The following PIEZO1 variants were observed in gnomAD, a reference collection of about 807,000 sequenced individuals.
The protein encoded by PIEZO1 is piezo-type mechanosensitive ion channel component 1.
A neutral mutation model predicts 297.2 loss-of-function variants in PIEZO1; 296 were observed. The ratio of observed to expected loss-of-function variants is 1.00; its 90% CI spans 0.91 to 1.10. The LOEUF is 1.10. Among genes scored for constraint, PIEZO1 ranks in the 50% least tolerant of loss-of-function variants. The pLI is 0.00. For missense variants in PIEZO1, 5,018 were observed against 3,455.5 expected (o/e 1.45, Z -11.34); for synonymous variants, 2,427 against 1,507.5 (o/e 1.61, Z -14.13).
Position 88,733,965 on chromosome 16 carries a change from TC to T in PIEZO1, c.2269del (p.Asp757ThrfsTer71). The T allele has an allele frequency of 2.2e-6, 3 of 1,367,084 alleles. No homozygotes were observed. The highest frequency in any genetic ancestry group is 2.9e-6 in the Non-Finnish European group (3 of 1,052,170). The allele number at this position is 1,367,084 out of a possible 1,614,324, so 84.7% of individuals were successfully genotyped here. A position where few individuals can be genotyped will look rare whatever the true frequency, so the allele number is the denominator to read the frequency against. ...CACGCCCAGCCCCTCGTCCCTGGAG[TC>T]CTCCTCCTCCTCCTCCTCCTCCTGC... ...QQQEEEEEEE[D>X]SRDEGLGVAT... On this transcript the variant is annotated frameshift_variant, in exon 17 of 51. Transcript: ENST00000301015. LOFTEE classifies it high-confidence loss of function.
At chr16:88,740,544 GT>G (rs1434847090) in intron 5 of PIEZO1, 1 of 152,370 alleles carries the variant, frequency 6.6e-6, no homozygotes, top group African/African-American at 2.4e-5. Flanking sequence ...TGACCTCCAG[GT>G]CCCCGTTCCC....
chr16:88,725,345 C>T (rs766325811), intron 29 of PIEZO1, 71 bp downstream of exon 29: 149 of 963,744 alleles, frequency 1.5e-4, no homozygotes, highest in East Asian at 3.5e-4. Context: ...TGGGCACAGA[C>T]GCAGCACACG....
rs1162297459 is a variant in PIEZO1, at chr16:88,732,614, T to C, written c.2783A>G (p.Tyr928Cys). Residue 928 changes from tyrosine (Y) to cysteine (C), a missense_variant, in exon 20 of 51, where the codon TAC becomes TGC. Transcript: ENST00000301015. ...ACCAGCCCTTCAACTCACCTGGATG[T>C]AGCCCAGGTTGGGGAACCCTTTCCG... ...GVRKGFPNLGYIQNHLQVLLL... is the reference protein window; with the variant it reads ...GVRKGFPNLGCIQNHLQVLLL... 4 of 1,549,016 alleles carry C rather than the reference T, an allele frequency of 2.6e-6. No individual in the cohort carries two copies. The South Asian group carries it at 4.8e-5, about 18-fold the overall frequency.
At position 88,721,586 on chromosome 16, in the gene PIEZO1, G is replaced by C; in HGVS notation, c.5355C>G (p.Tyr1785Ter). 6.5e-7 allele frequency: 1 copy of C among 1,550,280 alleles called. No homozygotes were observed. The highest frequency in any genetic ancestry group is 8.7e-7 in the Non-Finnish European group (1 of 1,146,916). The change falls in exon 38 of 51, where the codon TAC (tyrosine) becomes TAG (stop). Residue 1785 changes from tyrosine (Y) to a stop codon, truncating the protein, a stop_gained. Coordinates refer to ENST00000301015, the MANE Select transcript of PIEZO1 (RefSeq NM_001142864.4). LOFTEE classifies it high-confidence loss of function. ...AAAGGGCCATGAGCTGCACCAGGTC[G>C]TACTTGATGTAGCCGTCAGTCTTCT... ...GLEKTDGYIKYDLVQLMALFF... is the reference protein window; with the variant it reads ...GLEKTDGYIK
rs1446435538 is a variant in PIEZO1 at position 88,716,777 on chromosome 16, C to T, written c.6753+29G>A. On this transcript the variant is annotated intron_variant, in intron 46 of 50. Coordinates refer to ENST00000301015, the MANE Select transcript of PIEZO1 (RefSeq NM_001142864.4). ...CAGTGACTGCAGCCGCCTCCCCACA[C>T]CAGCTTTCACAGGGCAGAGGCCACT... 8 of 1,549,458 alleles carry T rather than the reference C, an allele frequency of 5.2e-6. No homozygotes were observed. The South Asian group carries it at 7.1e-5, about 14-fold the overall frequency.
Position 88,717,191 on chromosome 16 carries a change from C to G in PIEZO1, c.6492G>C (p.Gly2164=). The G allele has an allele frequency of 1.3e-6, 2 of 1,549,970 alleles. No homozygotes were observed. The highest frequency in any genetic ancestry group is 1.7e-6 in the Non-Finnish European group (2 of 1,147,026). The change falls in exon 45 of 51, where the codon GGG becomes GGC. Residue 2164 remains glycine (G), a synonymous_variant. Transcript: ENST00000301015. ...ETEKKYPQPK[G]QKKKKIVKYG... is the part of the protein sequence containing the mutation. The stretch of plus-strand genomic sequence containing the variant: ...ACTTGACGATCTTCTTCTTCTTCTG[C>G]CCTTTGGGCTGCGGGTATTTCTGGA...
At chr16:88,769,653 G>A (rs147984698) in intron 1 of PIEZO1, among the ~76,000 whole-genome samples, 90 of 152,300 alleles carry the variant, frequency 5.9e-4, no homozygotes, top group Admixed American at 2.0e-3. Flanking sequence ...CAGTCAGCAC[G>A]CAGGGAGCAG....
At chr16:88,751,905 G>A (rs184851400) in intron 1 of PIEZO1, among the ~76,000 whole-genome samples, 84 of 152,300 alleles carry the variant, frequency 5.5e-4, no homozygotes, top group Non-Finnish European at 1.0e-3. Flanking sequence ...GACCTGCCAG[G>A]AACGTCCAAT....
intron 16 of PIEZO1, 85 bp from the exon 17 acceptor site, chr16:88,734,139 C>T: frequency 2.1e-6 from 2 of 942,440 alleles, no homozygotes; most frequent in Non-Finnish European, 2.7e-6. Flanking sequence ...GTCGGCACCG[C>T]TTCTGCTGCA....
At chr16:88,748,932 C>CAAAA (rs869031857) in intron 2 of PIEZO1, among the ~76,000 whole-genome samples, 21 of 45,226 alleles carry the variant, frequency 4.6e-4, no homozygotes, top group Non-Finnish European at 4.5e-4. Flanking sequence ...GACTCGGTCT[C>CAAAA]AAAAAAAAAA....
chr16:88,715,862 G>A lies in PIEZO1; in HGVS notation c.7317-8C>T, dbSNP rs1306261118. 3.2e-6 allele frequency: 5 copies of A among 1,549,034 alleles called. No individual in the cohort carries two copies. The highest frequency in any genetic ancestry group is 2.7e-5 in the African/African-American group (2 of 73,038). ...ACGTACAGCCCCATGATGCTGCGGG[G>A]GAAGCTGGTGAGTCCTGGGGCCGCC... On this transcript the variant is annotated splice_region_variant and splice_polypyrimidine_tract_variant and intron_variant, in intron 50 of 50. Transcript: ENST00000301015.
In PIEZO1 at chr16:88,725,567, GGGGAGTCCCCGCCCCAGA is replaced by G; in HGVS notation, c.4058+10_4058+27del. On this transcript the variant is annotated intron_variant, in intron 28 of 50. Transcript: ENST00000301015. The stretch of plus-strand genomic sequence containing the variant: ...ATGCTGAGCATTGGGGGGAGGAGCC[GGGGAGTCCCCGCCCCAGA>G]GGCACCTACTGTCTTTTCAGCTGGG... 6.5e-7 allele frequency: 1 copy of G among 1,532,516 alleles called. No individual in the cohort carries two copies. The highest frequency in any genetic ancestry group is 8.8e-7 in the Non-Finnish European group (1 of 1,131,386). The allele number at this position is 1,532,516 out of a possible 1,614,324, so 94.9% of individuals were successfully genotyped here.
At chr16:88,768,745 G>A (rs1484886213) in intron 1 of PIEZO1, among the ~76,000 whole-genome samples, 1 of 152,256 alleles carries the variant, frequency 6.6e-6, no homozygotes, top group Non-Finnish European at 1.5e-5. Context: ...CACCCCTGCA[G>A]CCTCAGCCAG....
rs975601698 is a variant in PIEZO1 at position 88,743,203 on chromosome 16, G to A, written c.161-781C>T. The A allele has an allele frequency of 4.8e-5, 22 of 456,196 alleles. 1 individual carries two copies. The East Asian group carries it at 1.0e-3, about 22-fold the overall frequency. The allele number at this position is 456,196 out of a possible 1,614,324, so 28.3% of individuals were successfully genotyped here. A position where few individuals can be genotyped will look rare whatever the true frequency, so the allele number is the denominator to read the frequency against. On this transcript the variant is annotated intron_variant, in intron 2 of 50. Coordinates refer to ENST00000301015, the MANE Select transcript of PIEZO1 (RefSeq NM_001142864.4). Reference sequence around the variant, plus strand: ...GCTGCAGGGCAGGGGCTGGGCGGGCGCACCCTGTGGCTGGGGGCACTCAGG... The same window carrying A: ...GCTGCAGGGCAGGGGCTGGGCGGGCACACCCTGTGGCTGGGGGCACTCAGG...
At chr16:88,737,697 C>T (rs752972690) in intron 9 of PIEZO1, 31 bp downstream of exon 9, 7 of 1,533,580 alleles carry the variant, frequency 4.6e-6, no homozygotes, top group South Asian at 2.4e-5. Flanking sequence ...GCGCCCCCCA[C>T]GCTGGCGTCT....
At chr16:88,749,156 C>T (rs904006371) in intron 2 of PIEZO1, among the ~76,000 whole-genome samples, 4 of 151,600 alleles carry the variant, frequency 2.6e-5, no homozygotes, top group Non-Finnish European at 4.4e-5. Flanking sequence ...AGGAGAATGG[C>T]GTGAACCTGG....
chr16:88,722,506 G>A (rs568835849), intron 35 of PIEZO1, 77 bp downstream of exon 35: 52 of 1,426,608 alleles, frequency 3.6e-5, no homozygotes, highest in Non-Finnish European at 4.7e-5. Flanking sequence ...ACAAGGGAAT[G>A]GCGAGGGTCG....
In PIEZO1 at chr16:88,738,549, C is replaced by T. The variant is rs547098067; in HGVS notation, c.634+19G>A. On this transcript the variant is annotated intron_variant, in intron 6 of 50. Coordinates refer to ENST00000301015, the MANE Select transcript of PIEZO1 (RefSeq NM_001142864.4). Reference sequence around the variant, plus strand: ...CCCCTCCCAGTGTGACTGCCAGTGCCCCCTGCCTCGGTGCGTACCTGCCAG... The same window carrying T: ...CCCCTCCCAGTGTGACTGCCAGTGCTCCCTGCCTCGGTGCGTACCTGCCAG... 3.0e-5 allele frequency: 46 copies of T among 1,531,870 alleles called. No individual in the cohort carries two copies. Among genetic ancestry groups the T allele is most frequent in the Non-Finnish European group, 3.9e-5 (45 of 1,143,826 alleles). The allele number at this position is 1,531,870 out of a possible 1,614,324, so 94.9% of individuals were successfully genotyped here. A position where few individuals can be genotyped will look rare whatever the true frequency, so the allele number is the denominator to read the frequency against.
rs552433164 is a variant in PIEZO1 at position 88,734,563 on chromosome 16, G to A, written c.1998-25C>T. 1.1e-4 allele frequency: 175 copies of A among 1,543,928 alleles called. 3 individuals carry two copies. In the South Asian group the frequency reaches 1.8e-3, roughly 16 times the overall value. On this transcript the variant is annotated intron_variant, in intron 15 of 50. Transcript: ENST00000301015. The stretch of plus-strand genomic sequence containing the variant: ...CCTGTGGAGGGGCAGCATCAGCACC[G>A]GCCCGGCCCCCGGCAGAGCCGCTGC...
Sources: allele counts gnomAD v4.1 joint callset (sites outside exome capture counted in the v4.1 genomes callset), GRCh38; gene constraint gnomAD v4.1.1; transcripts MANE v1.5; gene names NCBI Gene and HGNC (gene_info 2026-07-23, HGNC 2026-07-21).